The following ZNF280D variants were observed in gnomAD, a reference collection of about 807,000 sequenced individuals.
The protein encoded by ZNF280D is suppressor of hairy wing homolog 4.
In ZNF280D, 39 loss-of-function variants were observed where a neutral mutation model predicts 94.7. The observed-to-expected ratio is 0.41, with a 90% CI of 0.32 to 0.54. The LOEUF (loss-of-function observed/expected upper bound fraction) is 0.54, where lower values mean the gene tolerates loss of function less well. Ranked by LOEUF, ZNF280D falls within the 20% of genes least tolerant of loss-of-function variation. The pLI, the probability that ZNF280D is intolerant of heterozygous loss-of-function variation, is 0.22. For missense variants in ZNF280D, 1,090 were observed against 1,149.3 expected, an observed-to-expected ratio of 0.95 and a Z score of 0.75; for synonymous variants, 398 against 377.6, an observed-to-expected ratio of 1.05 and a Z score of -0.63.
At position 56,657,181 on chromosome 15, in the gene ZNF280D, T is replaced by C. The variant is rs768161027; in HGVS notation, c.2057+1243A>G. Among the ~76,000 whole-genome samples, 32 of 152,082 alleles carry C rather than the reference T, an allele frequency of 2.1e-4. 1 individual carries two copies. The highest frequency in any genetic ancestry group is 1.4e-3 in the Admixed American group (21 of 15,274). On this transcript the variant is annotated intron_variant, in intron 17 of 21. Transcript: ENST00000267807. ...GAAAGTTCAAGAAATCAGAAGAATA[T>C]GAAACAATAGCGCTCAGTGGATTCT... is the stretch of plus-strand genomic sequence containing the variant.
rs775273834 is a variant in ZNF280D, at chr15:56,689,083, G to A, written c.738C>T (p.Asn246=). The part of the protein sequence containing the change: ...TPFPRACPKC[N]IHFNLLDPLK... ...AAGGATCCAAAAGATTGAAATGAAT[G>A]TTGCACTTTGGACAAGCTCTTGGAA... The change falls in exon 9 of 22, where the codon AAC becomes AAT. Residue 246 remains asparagine, a synonymous_variant. Transcript: ENST00000267807. 1.9e-6 allele frequency: 3 copies of A among 1,610,904 alleles called. No homozygotes were observed. Among genetic ancestry groups the A allele is most frequent in the Non-Finnish European group, 2.5e-6 (3 of 1,178,734 alleles).
At chr15:56,702,609 T>C (rs1473942925) in intron 4 of ZNF280D, among the ~76,000 whole-genome samples, 1 of 152,152 alleles carries the variant, frequency 6.6e-6, no homozygotes, top group African/African-American at 2.4e-5. Context: ...AGTTTGAATT[T>C]TGCAATATAA....
At chr15:56,668,514 A>G (rs1213457447) in intron 14 of ZNF280D, among the ~76,000 whole-genome samples, 3 of 152,130 alleles carry the variant, frequency 2.0e-5, no homozygotes, top group African/African-American at 7.2e-5. Flanking sequence ...TTTAGCAACT[A>G]AAGTCAACAT....
rs568060960 is a variant in ZNF280D, at chr15:56,709,143, A to G, written c.-85-1837T>C. ...GGGCTAATATCCAGAATCTACAAAG[A>G]ACTCAAACAAATTTACAAGAAAAAA... On this transcript the variant is annotated intron_variant, in intron 1 of 21. Transcript: ENST00000267807. Among the ~76,000 whole-genome samples the G allele has an allele frequency of 6.3e-4, 96 of 152,360 alleles. 4 individuals are homozygous for G. In the South Asian group the frequency reaches 0.02, roughly 31 times the overall value.
chr15:56,731,559 G>A (rs1463265248), intron 1 of ZNF280D, among the ~76,000 whole-genome samples: 2 of 150,970 alleles, frequency 1.3e-5, no homozygotes, highest in Admixed American at 1.3e-4. Flanking sequence ...GAAATGGGGG[G>A]AAATGTGAAT....
chr15:56,663,056 G>C (rs1159388391), intron 16 of ZNF280D, among the ~76,000 whole-genome samples: 1 of 151,416 alleles, frequency 6.6e-6, no homozygotes, highest in Non-Finnish European at 1.5e-5. Flanking sequence ...GGCTAGAGTA[G>C]GCAGATCACT....
At chr15:56,721,436 G>C (rs186746555) in intron 1 of ZNF280D, among the ~76,000 whole-genome samples, 6 of 152,326 alleles carry the variant, frequency 3.9e-5, no homozygotes, top group African/African-American at 1.2e-4. Context: ...GAAAGTCCTA[G>C]ATGGTATCTT....
intron 16 of ZNF280D, among the ~76,000 whole-genome samples, chr15:56,659,727 C>T (rs943801399): frequency 2.2e-4 from 33 of 151,848 alleles, no homozygotes; most frequent in African/African-American, 8.0e-4. Flanking sequence ...TCCCCCGTGA[C>T]AACCCCTCAA....
chr15:56,722,828 CA>C (rs1468887551), intron 1 of ZNF280D, among the ~76,000 whole-genome samples: 4 of 151,720 alleles, frequency 2.6e-5, no homozygotes, highest in African/African-American at 9.7e-5. Context: ...GGAACCAACC[CA>C]AATGTCCAAC....
intron 7 of ZNF280D, among the ~76,000 whole-genome samples, chr15:56,689,959 T>A (rs1349364027): frequency 6.6e-6 from 1 of 152,204 alleles, no homozygotes; most frequent in African/African-American, 2.4e-5. Flanking sequence ...ATTTAGTTCT[T>A]TCCTACCTAA....
At chr15:56,671,419 T>G (rs1312618033) in intron 13 of ZNF280D, among the ~76,000 whole-genome samples, 3 of 152,162 alleles carry the variant, frequency 2.0e-5, no homozygotes, top group Non-Finnish European at 4.4e-5. Flanking sequence ...AATGACCATT[T>G]ATTGAATAGG....
chr15:56,661,576 G>C (rs1189686379), intron 16 of ZNF280D, among the ~76,000 whole-genome samples: 1 of 152,090 alleles, frequency 6.6e-6, no homozygotes, highest in Non-Finnish European at 1.5e-5. Context: ...TTTTATACTA[G>C]CTTTCTTTTT....
rs547632470 is a variant in ZNF280D, at chr15:56,670,714, T to C, written c.1411-1757A>G. ...TTTGGGTATATACCCAGCAATGGGA[T>C]TGCTGGGTGGAATGCTATTTCTGTC... On this transcript the variant is annotated intron_variant, in intron 13 of 21. Coordinates refer to ENST00000267807, the MANE Select transcript of ZNF280D (RefSeq NM_017661.4). Among the ~76,000 whole-genome samples the C allele has an allele frequency of 1.2e-4, 19 of 152,208 alleles. No individual in the cohort carries two copies. The East Asian group carries it at 2.9e-3, about 23-fold the overall frequency.
At position 56,637,368 on chromosome 15, in the gene ZNF280D, G is replaced by A. The variant is rs961097437; in HGVS notation, c.2260-2118C>T. ...TAAAAACATTTTTTTTTTTTGTAGA[G>A]ACGAAGTCTCCAGTGTTGCCCAGGC... On this transcript the variant is annotated intron_variant, in intron 20 of 21. Coordinates refer to ENST00000267807, the MANE Select transcript of ZNF280D (RefSeq NM_017661.4). Among the ~76,000 whole-genome samples the A allele has an allele frequency of 2.0e-4, 30 of 150,162 alleles. 1 individual carries two copies. The highest frequency in any genetic ancestry group is 3.5e-4 in the Non-Finnish European group (24 of 67,660).
chr15:56,676,584 C>T, intron 13 of ZNF280D, 86 bp downstream of exon 13: 3 of 1,226,490 alleles, frequency 2.4e-6, no homozygotes, highest in Non-Finnish European at 3.3e-6. Flanking sequence ...GCTTCTCTTG[C>T]AGAACAAATC....
intron 21 of ZNF280D, among the ~76,000 whole-genome samples, chr15:56,633,680 G>T (rs1202649185): frequency 6.6e-6 from 1 of 151,542 alleles, no homozygotes; most frequent in African/African-American, 2.4e-5. Context: ...TAGTAGAGAC[G>T]GGGTTTCACC....
chr15:56,646,513 G>C (rs1457323581), intron 19 of ZNF280D, among the ~76,000 whole-genome samples: 1 of 152,104 alleles, frequency 6.6e-6, no homozygotes, highest in East Asian at 1.9e-4. Context: ...ATTTAATATA[G>C]TAATCATCAG....
Position 56,676,731 on chromosome 15 carries a change from G to A in ZNF280D, c.1349C>T (p.Pro450Leu), listed in dbSNP as rs755752939. 5.6e-6 allele frequency: 9 copies of A among 1,611,952 alleles called. No individual in the cohort carries two copies. The highest frequency in any genetic ancestry group is 1.3e-5 in the African/African-American group (1 of 74,776). ...SHENTKNLLC[P>L]FCLKVIKIAT... ...AATTTTAATAACTTTGAGGCAAAAC[G>A]GGCATAGCAAGTTCTTAGTGTTTTC... is the stretch of plus-strand genomic sequence containing the variant. The change falls in exon 13 of 22, where the codon CCG becomes CTG. Residue 450 changes from proline to leucine, a missense_variant. Coordinates refer to ENST00000267807, the MANE Select transcript of ZNF280D (RefSeq NM_017661.4).
intron 1 of ZNF280D, among the ~76,000 whole-genome samples, chr15:56,717,472 T>G (rs1435818009): frequency 1.3e-5 from 2 of 152,070 alleles, no homozygotes; most frequent in African/African-American, 4.8e-5. Flanking sequence ...AACAGTAATA[T>G]TTACTTGTTT....
Sources: gnomAD v4.1 joint callset for allele counts (sites outside exome capture counted in the v4.1 genomes callset) on GRCh38, gnomAD v4.1.1 for gene constraint, MANE v1.5 for transcripts, NCBI Gene and HGNC (gene_info 2026-07-23, HGNC 2026-07-21) for gene names.